Variants in PDE2A observed in about 807,000 individuals in gnomAD.
PDE2A encodes phosphodiesterase 2A, also known as cGMP-dependent 3',5'-cyclic phosphodiesterase.
In PDE2A, 53 loss-of-function variants were observed where a neutral mutation model predicts 133.6. The ratio of observed to expected loss-of-function variants is 0.40; its 90% confidence interval spans 0.32 to 0.50. The LOEUF is 0.50. Ranked by LOEUF, PDE2A falls within the 20% of genes least tolerant of loss-of-function variation. The probability of loss-of-function intolerance (pLI) is 0.73; values close to 1 mark genes in which losing one functional copy is unlikely to be tolerated. For missense variants in PDE2A, 796 were observed against 1,232.4 expected, an observed-to-expected ratio of 0.65 and a Z score of 5.30; for synonymous variants, 491 against 490.2, an observed-to-expected ratio of 1.00 and a Z score of -0.02.
intron 6 of PDE2A, among the ~76,000 whole-genome samples, chr11:72,594,172 G>C (rs1213903982): frequency 6.6e-6 from 1 of 152,206 alleles, no homozygotes; most frequent in Non-Finnish European, 1.5e-5. Context: ...AGAAATAGTT[G>C]TTCAACTGAT....
At position 72,614,912 on chromosome 11, in the gene PDE2A, G is replaced by A. The variant is rs184194724; in HGVS notation, c.145-6161C>T. 2.0e-3 allele frequency among the ~76,000 whole-genome samples: 300 copies of A among 152,158 alleles called. 5 individuals are homozygous for A. The highest frequency in any genetic ancestry group is 2.8e-3 in the Non-Finnish European group (191 of 67,984). ...CAGTATGGACGGGGCCACTCGCAGC[G>A]CAGGAGCCCAGTCTTAAAGGAGGGA... On this transcript the variant is annotated intron_variant, in intron 2 of 30. Coordinates refer to ENST00000334456, the MANE Select transcript of PDE2A (RefSeq NM_002599.5).
At chr11:72,645,287 A>G (rs1198592707) in intron 1 of PDE2A, among the ~76,000 whole-genome samples, 2 of 152,202 alleles carry the variant, frequency 1.3e-5, no homozygotes, top group Non-Finnish European at 2.9e-5. Context: ...GTGAAATGTT[A>G]TTACACTAGA....
chr11:72,653,410 C>A (rs1404410634), intron 1 of PDE2A, among the ~76,000 whole-genome samples: 1 of 152,176 alleles, frequency 6.6e-6, no homozygotes, highest in Non-Finnish European at 1.5e-5. Flanking sequence ...TGGCCAGAAT[C>A]GCAGAGACTG....
chr11:72,608,666 C>T lies in PDE2A; in HGVS notation c.230G>A (p.Arg77Gln), dbSNP rs767311142. The change falls in exon 3 of 31, where the codon CGA becomes CAA. Residue 77 changes from arginine to glutamine, a missense_variant. Physicochemically the swap from Arg to Gln is conservative, Grantham distance 43. This residue lies in a region of PDE2A where 417 missense variants were observed against 475.3 expected (regional missense o/e 0.88). Coordinates refer to ENST00000334456, the MANE Select transcript of PDE2A (RefSeq NM_002599.5). ...VKEALSAVLP[R>Q]VETVYTYLLD... is the part of the protein sequence containing the mutation. ...GGGGCAAGGGCGGGCACCTACCACT[C>T]GGGGGAGCACAGCTGACAGGGCCTC... The T allele has an allele frequency of 7.8e-6, 12 of 1,543,964 alleles. No individual in the cohort carries two copies. In the African/African-American group the frequency reaches 1.1e-4, roughly 14 times the overall value.
chr11:72,663,466 C>A (rs891402163), intron 1 of PDE2A, among the ~76,000 whole-genome samples: 4 of 152,156 alleles, frequency 2.6e-5, no homozygotes, highest in African/African-American at 4.8e-5. Context: ...CAGTGGTTCA[C>A]GCCTGTAATC....
At chr11:72,615,707 G>A (rs1241766582) in intron 2 of PDE2A, among the ~76,000 whole-genome samples, 1 of 151,756 alleles carries the variant, frequency 6.6e-6, no homozygotes, top group African/African-American at 2.4e-5. Context: ...ACACATCACA[G>A]CATCCCCCTC....
At chr11:72,626,967 G>C (rs1414605981) in intron 2 of PDE2A, among the ~76,000 whole-genome samples, 2 of 152,148 alleles carry the variant, frequency 1.3e-5, no homozygotes, top group African/African-American at 4.8e-5. Flanking sequence ...CTTAGCTGCT[G>C]CTGTCAGAAG....
In PDE2A at chr11:72,584,893, G is replaced by A. The variant is rs202070484; in HGVS notation, c.1338C>T (p.Asp446=). The A allele has an allele frequency of 1.4e-5, 22 of 1,614,016 alleles. 1 individual carries two copies. The South Asian group carries it at 2.1e-4, about 15-fold the overall frequency. ...DQNELVAKVF[D]GGVVDDESYE... The stretch of plus-strand genomic sequence containing the variant: ...TCACCTCATCATCCACCACGCCCCC[G>A]TCGAACACCTTGGCCACCAGCTCAT... The change falls in exon 17 of 31, where the codon GAC becomes GAT. Residue 446 remains aspartate, a synonymous_variant. Transcript: ENST00000334456.
chr11:72,631,061 C>T (rs1858356144), intron 2 of PDE2A: 5 of 1,545,364 alleles, frequency 3.2e-6, no homozygotes, highest in Non-Finnish European at 4.4e-6. Flanking sequence ...CCACTTCTCC[C>T]TCCACTGAGC....
In PDE2A at chr11:72,589,756, A is replaced by G. The variant is rs1234225916; in HGVS notation, c.868T>C (p.Phe290Leu). 6.2e-7 allele frequency: 1 copy of G among 1,613,928 alleles called. No individual in the cohort carries two copies. The highest frequency in any genetic ancestry group is 1.7e-5 in the Admixed American group (1 of 60,012). The change falls in exon 11 of 31, where the codon TTT (phenylalanine) becomes CTT (leucine). Residue 290 changes from phenylalanine (F) to leucine (L), a missense_variant. Physicochemically the swap from Phe to Leu is conservative, Grantham distance 22. Coordinates refer to ENST00000334456, the MANE Select transcript of PDE2A (RefSeq NM_002599.5). The stretch of plus-strand genomic sequence containing the variant: ...AAGACAGACGCGGGACTCACGGGAA[A>G]GCTGACCTCTTCCCCGAGCACTTTG... ...GDKVLGEEVS[F>L]PLTGCLGQVV...
At chr11:72,668,824 G>A (rs1376975654) in intron 1 of PDE2A, among the ~76,000 whole-genome samples, 1 of 152,136 alleles carries the variant, frequency 6.6e-6, no homozygotes, top group East Asian at 1.9e-4. Flanking sequence ...GAGAAACCTC[G>A]GTCCCTCCCA....
chr11:72,597,592 C>A lies in PDE2A; in HGVS notation c.351G>T (p.Leu117=), dbSNP rs745701530. The stretch of plus-strand genomic sequence containing the variant: ...CTGAGAAGCCCAGCCCATTGCAGCC[C>A]AGCCGCTTCTGGGAGATGATAGCCT... ...VREAIISQKR[L]GCNGLGFSDL... is the part of the protein sequence containing the mutation. Residue 117 remains leucine (L), a synonymous_variant, in exon 5 of 31, where the codon CTG becomes CTT. Transcript: ENST00000334456. The surrounding 1 kb of genome is among the most constrained non-coding windows in gnomAD (Gnocchi z 4.6). The A allele has an allele frequency of 6.2e-7, 1 of 1,613,126 alleles. No homozygotes were observed. Among genetic ancestry groups the A allele is most frequent in the Non-Finnish European group, 8.5e-7 (1 of 1,179,806 alleles).
chr11:72,651,754 G>A (rs1048078924), intron 1 of PDE2A, among the ~76,000 whole-genome samples: 1 of 152,212 alleles, frequency 6.6e-6, no homozygotes, highest in African/African-American at 2.4e-5. Context: ...AGTGCCCATG[G>A]CTTGGGATAA....
chr11:72,668,976 T>G, intron 1 of PDE2A: 1 of 1,002,988 alleles, frequency 1.0e-6, no homozygotes, highest in Non-Finnish European at 1.2e-6. Flanking sequence ...AAAGTGTGGC[T>G]GATCGTGGGT....
chr11:72,582,422 C>A lies in PDE2A; in HGVS notation c.1851+22G>T, dbSNP rs1855764682. The A allele has an allele frequency of 1.9e-6, 3 of 1,611,216 alleles. No individual in the cohort carries two copies. The South Asian group carries it at 3.3e-5, about 18-fold the overall frequency. On this transcript the variant is annotated intron_variant, in intron 21 of 30. Transcript: ENST00000334456. ...GCTACATACCTTCGGCCTGGCCAGT[C>A]AAGTGGAGGAGAGCAACTCACCATG...
In PDE2A at chr11:72,672,985, TACAC is replaced by T. The variant is rs576916845; in HGVS notation, c.71+1148_71+1151del. Among the ~76,000 whole-genome samples the T allele has an allele frequency of 4.5e-3, 682 of 151,526 alleles. 5 individuals are homozygous for T. Among genetic ancestry groups the T allele is most frequent in the Non-Finnish European group, 8.3e-3 (561 of 67,868 alleles). Reference sequence around the variant, plus strand: ...ACTCAGATGAATACACACATATAGATACACACACACACCAGCCACAGAAGCACCG... The same window carrying T: ...ACTCAGATGAATACACACATATAGATACACACACCAGCCACAGAAGCACCG... On this transcript the variant is annotated intron_variant, in intron 1 of 30. Transcript: ENST00000334456.
intron 4 of PDE2A, among the ~76,000 whole-genome samples, chr11:72,598,182 T>C (rs1318707428): frequency 2.0e-5 from 3 of 152,238 alleles, no homozygotes; most frequent in Non-Finnish European, 4.4e-5. Flanking sequence ...GATATCTTCA[T>C]TTTCAGATGG....
chr11:72,619,892 C>A (rs1379100973), intron 2 of PDE2A, among the ~76,000 whole-genome samples: 1 of 152,142 alleles, frequency 6.6e-6, no homozygotes, highest in Non-Finnish European at 1.5e-5. Context: ...ATGGTCTCTT[C>A]CCCCAGAGCT....
At chr11:72,581,580 T>G in intron 22 of PDE2A, 101 bp from the exon 23 acceptor site, 1 of 1,297,876 alleles carries the variant, frequency 7.7e-7, no homozygotes. Context: ...TGAGGGACCC[T>G]CCACAGCCTT....
Sources: allele counts gnomAD v4.1 joint callset (sites outside exome capture counted in the v4.1 genomes callset), GRCh38; gene constraint gnomAD v4.1.1; regional missense constraint gnomAD v4.1.1; non-coding constraint Gnocchi (gnomAD v3.1); transcripts MANE v1.5; gene names NCBI Gene and HGNC (gene_info 2026-07-23, HGNC 2026-07-21).